The following TRAPPC9 variants were observed in gnomAD, a reference collection of about 807,000 sequenced individuals.
TRAPPC9 encodes the protein trafficking protein particle complex subunit 9, also known as IKK2 binding protein.
TRAPPC9 carries 83 observed loss-of-function variants against 124.0 expected under a neutral mutation model. The ratio of observed to expected loss-of-function variants is 0.67; its 90% CI spans 0.56 to 0.80. The LOEUF (loss-of-function observed/expected upper bound fraction) is 0.80. TRAPPC9 is among the 30% of genes least tolerant of loss of function. The pLI is 0.00. For synonymous variants in TRAPPC9, 638 were observed against 617.5 expected (o/e 1.03, Z -0.49); for missense variants, 1,302 against 1,508.3 (o/e 0.86, Z 2.27).
chr8:140,380,994 G>A (rs984644245), intron 7 of TRAPPC9, among the ~76,000 whole-genome samples: 9 of 151,672 alleles, frequency 5.9e-5, no homozygotes, highest in Admixed American at 3.3e-4. Flanking sequence ...CACTTGAGGC[G>A]AGGAGTTCAA....
intron 19 of TRAPPC9, among the ~76,000 whole-genome samples, chr8:139,969,910 A>T (rs1050811895): frequency 2.0e-5 from 3 of 152,258 alleles, no homozygotes; most frequent in Non-Finnish European, 4.4e-5. Flanking sequence ...TTTGCCGCCA[A>T]CAGTTCTAAC....
Position 140,252,742 on chromosome 8 carries a change from C to T in TRAPPC9, c.2431+35G>A, listed in dbSNP as rs757280394. ...GGGGTTGCTACACAGTATCTAGGAC[C>T]CTGACGTGCTAATTAAAATTAGGAA... On this transcript the variant is annotated intron_variant, in intron 16 of 22. Coordinates refer to ENST00000438773, the MANE Select transcript of TRAPPC9 (RefSeq NM_001160372.4). The surrounding 1 kb of genome is among the most constrained non-coding windows in gnomAD (Gnocchi z 4.2). The T allele has an allele frequency of 6.2e-7, 1 of 1,609,832 alleles. No homozygotes were observed. Among genetic ancestry groups the T allele is most frequent in the Non-Finnish European group, 8.5e-7 (1 of 1,179,714 alleles).
chr8:140,080,896 T>C (rs1052102637), intron 17 of TRAPPC9, among the ~76,000 whole-genome samples: 16 of 152,168 alleles, frequency 1.1e-4, no homozygotes, highest in African/African-American at 3.9e-4. Flanking sequence ...TGTTGAATGC[T>C]TCAGAGCACA....
intron 17 of TRAPPC9, among the ~76,000 whole-genome samples, chr8:140,147,338 G>C (rs1220252951): frequency 6.6e-6 from 1 of 152,214 alleles, no homozygotes; most frequent in Non-Finnish European, 1.5e-5. Flanking sequence ...AGATTTAAGT[G>C]AATTCCTTTG....
chr8:140,429,081 TTTTTG>T, intron 4 of TRAPPC9, among the ~76,000 whole-genome samples: 1 of 114,358 alleles, frequency 8.7e-6, no homozygotes, highest in South Asian at 3.3e-4. Context: ...TGTTTTTCTG[TTTTTG>T]TTTTTTTTTT....
intron 21 of TRAPPC9, among the ~76,000 whole-genome samples, chr8:139,824,101 TG>T (rs1382860255): frequency 6.6e-6 from 1 of 151,920 alleles, no homozygotes; most frequent in East Asian, 1.9e-4. Context: ...GGGAGGGAGG[TG>T]ATGTCTTCCC....
intron 17 of TRAPPC9, among the ~76,000 whole-genome samples, chr8:140,092,346 C>T (rs375039943): frequency 1.6e-4 from 25 of 151,678 alleles, no homozygotes; most frequent in East Asian, 7.8e-4. Flanking sequence ...TACAGGCGCC[C>T]GATGCCACGC....
intron 17 of TRAPPC9, among the ~76,000 whole-genome samples, chr8:140,114,758 C>T (rs1444582874): frequency 6.6e-6 from 1 of 152,080 alleles, no homozygotes; most frequent in Non-Finnish European, 1.5e-5. Flanking sequence ...GCAAAGCCTC[C>T]TCGGAAACAG....
chr8:139,976,475 C>T (rs1455147909), intron 19 of TRAPPC9, among the ~76,000 whole-genome samples: 2 of 152,142 alleles, frequency 1.3e-5, no homozygotes, highest in Non-Finnish European at 1.5e-5. Flanking sequence ...AAAGACAAAT[C>T]GCAGACTGGG....
intron 17 of TRAPPC9, among the ~76,000 whole-genome samples, chr8:140,036,520 C>G (rs554992994): frequency 6.6e-6 from 1 of 152,136 alleles, no homozygotes; most frequent in African/African-American, 2.4e-5. Flanking sequence ...CCAGTTTACT[C>G]AAGTTGGGGA....
chr8:140,278,036 C>T (rs1212249826), intron 14 of TRAPPC9, among the ~76,000 whole-genome samples: 36 of 152,172 alleles, frequency 2.4e-4, no homozygotes, highest in Admixed American at 2.4e-3. Flanking sequence ...ACTCTGTGGG[C>T]TCAGCTGCCC....
chr8:140,383,063 G>A (rs962733058), intron 7 of TRAPPC9, among the ~76,000 whole-genome samples: 1 of 152,202 alleles, frequency 6.6e-6, no homozygotes, highest in African/African-American at 2.4e-5. Context: ...GGTCTAGAGT[G>A]GACCTCCAGC....
At chr8:139,785,084 A>T (rs895644117) in intron 21 of TRAPPC9, among the ~76,000 whole-genome samples, 8 of 152,256 alleles carry the variant, frequency 5.3e-5, no homozygotes, top group Non-Finnish European at 1.0e-4. Flanking sequence ...AGACAAGCAG[A>T]TAATTAAAAC....
chr8:139,776,845 G>A lies in TRAPPC9; in HGVS notation c.3056-44643C>T, dbSNP rs1239498835. Among the ~76,000 whole-genome samples, 3 of 152,184 alleles carry A rather than the reference G, an allele frequency of 2.0e-5. No homozygotes were observed. Among genetic ancestry groups the A allele is most frequent in the East Asian group, 1.9e-4 (1 of 5,194 alleles). On this transcript the variant is annotated intron_variant, in intron 21 of 22. Coordinates refer to ENST00000438773, the MANE Select transcript of TRAPPC9 (RefSeq NM_001160372.4). This position sits in a 1 kb window ranked among gnomAD's most constrained non-coding sequence, Gnocchi z 4.1. ...GGCAATAAAAGCCAAAGTCCATTGC[G>A]CCTGTGACTTACTATAAAATGACAA...
intron 17 of TRAPPC9, among the ~76,000 whole-genome samples, chr8:140,175,408 T>C (rs948289471): frequency 6.6e-6 from 1 of 151,850 alleles, no homozygotes; most frequent in African/African-American, 2.4e-5. Flanking sequence ...TATTACGCAA[T>C]TAAGCAAGCA....
chr8:140,192,115 A>C (rs1274480558), intron 17 of TRAPPC9, among the ~76,000 whole-genome samples: 1 of 152,220 alleles, frequency 6.6e-6, no homozygotes, highest in Non-Finnish European at 1.5e-5. Context: ...AAAAGACTCT[A>C]AATCAGCTGT....
At chr8:139,751,018 G>A (rs889849065) in intron 21 of TRAPPC9, among the ~76,000 whole-genome samples, 38 of 152,182 alleles carry the variant, frequency 2.5e-4, no homozygotes, top group Non-Finnish European at 2.4e-4. Context: ...CACAAGGGGA[G>A]GAGACTTCCT....
chr8:140,249,982 T>C lies in TRAPPC9; in HGVS notation c.2431+2795A>G, dbSNP rs72688852. ...TTTTCTGCTACAATTTCAATTTCAT[T>C]ATCATACTCGATATATTTGTCATTG... On this transcript the variant is annotated intron_variant, in intron 16 of 22. Coordinates refer to ENST00000438773, the MANE Select transcript of TRAPPC9 (RefSeq NM_001160372.4). Among the ~76,000 whole-genome samples the C allele has an allele frequency of 3.0e-3, 452 of 152,318 alleles. 2 individuals are homozygous for C. The highest frequency in any genetic ancestry group is 4.9e-3 in the Non-Finnish European group (330 of 68,036).
intron 21 of TRAPPC9, among the ~76,000 whole-genome samples, chr8:139,856,536 C>T (rs1827809035): frequency 6.6e-6 from 1 of 152,182 alleles, no homozygotes; most frequent in Non-Finnish European, 1.5e-5. Flanking sequence ...AATGTCCTCT[C>T]AGCTTCCCCT....
Sources: allele counts gnomAD v4.1 joint callset (sites outside exome capture counted in the v4.1 genomes callset), GRCh38; gene constraint gnomAD v4.1.1; non-coding constraint Gnocchi (gnomAD v3.1); transcripts MANE v1.5; gene names NCBI Gene and HGNC (gene_info 2026-07-23, HGNC 2026-07-21).